Variants in ATG7 observed in about 807,000 individuals in gnomAD.
The protein encoded by ATG7 is autophagy related 7, also known as ubiquitin-like modifier-activating enzyme ATG7.
ATG7 carries 70 observed loss-of-function variants against 82.4 expected under a neutral mutation model. The observed-to-expected ratio is 0.85, with a 90% confidence interval of 0.70 to 1.04. ATG7 has a LOEUF of 1.04. Ranked by LOEUF, ATG7 falls within the 50% of genes least tolerant of loss-of-function variation. The probability of loss-of-function intolerance (pLI) is 0.00; values close to 1 mark genes in which losing one functional copy is unlikely to be tolerated. For missense variants in ATG7, 792 were observed against 864.3 expected (o/e 0.92, Z 1.05); for synonymous variants, 287 against 313.0 (o/e 0.92, Z 0.88).
intron 18 of ATG7, among the ~76,000 whole-genome samples, chr3:11,367,219 A>G (rs1278999864): frequency 6.6e-6 from 1 of 152,150 alleles, no homozygotes; most frequent in Non-Finnish European, 1.5e-5. Context: ...CGTTTCCACA[A>G]AAACACTGGG....
At chr3:11,558,298 CTG>C (rs2072623509), downstream of ATG7, 1 of 582,122 alleles carries the variant, frequency 1.7e-6, no homozygotes. Flanking sequence ...TCTTTGGTAA[CTG>C]AGGCAGGAAG....
chr3:11,292,483 C>G (rs1945147987), intron 3 of ATG7, among the ~76,000 whole-genome samples: 1 of 152,174 alleles, frequency 6.6e-6, no homozygotes, highest in African/African-American at 2.4e-5. Context: ...TGGTCTCGAG[C>G]TCTTGACCTC....
chr3:11,304,705 T>G (rs972252756), intron 5 of ATG7: 6 of 152,270 alleles, frequency 3.9e-5, no homozygotes, highest in Non-Finnish European at 8.8e-5. Context: ...AGTGTCTAGC[T>G]GTAATGTCCC....
At chr3:11,417,305 A>G (rs2081452286) in intron 19 of ATG7, among the ~76,000 whole-genome samples, 1 of 152,138 alleles carries the variant, frequency 6.6e-6, no homozygotes, top group Non-Finnish European at 1.5e-5. Context: ...AGATTCGTCT[A>G]TTTCTTCTTG....
chr3:11,353,910 T>C (rs1389888515), intron 14 of ATG7, among the ~76,000 whole-genome samples: 1 of 152,190 alleles, frequency 6.6e-6, no homozygotes, highest in Non-Finnish European at 1.5e-5. Context: ...TACAAAGAAG[T>C]GTACCAGGAG....
chr3:11,295,230 C>G (rs920404892), intron 3 of ATG7, among the ~76,000 whole-genome samples: 1 of 152,150 alleles, frequency 6.6e-6, no homozygotes, highest in African/African-American at 2.4e-5. Flanking sequence ...ATTTTAGGGA[C>G]AGTGATGTGT....
At chr3:11,314,081 T>C (rs1949057781) in intron 8 of ATG7, among the ~76,000 whole-genome samples, 1 of 152,070 alleles carries the variant, frequency 6.6e-6, no homozygotes, top group African/African-American at 2.4e-5. Context: ...TGGGAAAGAG[T>C]CTTTGAAACA....
At chr3:11,573,349 AAGAAAGAAAGAAAGAAAGAAAGAAAG>A in the ATG7 span, among the ~76,000 whole-genome samples, 3 of 100,682 alleles carry the variant, frequency 3.0e-5, no homozygotes. Context: ...GAAAGAAAGA[AAGAAAGAAAGAAAGAAAGAAAGAAAG>A]AAAGAAAGAA....
At chr3:11,478,755 T>C (rs1004858551) in intron 20 of ATG7, among the ~76,000 whole-genome samples, 3 of 152,152 alleles carry the variant, frequency 2.0e-5, no homozygotes, top group African/African-American at 7.2e-5. Flanking sequence ...GTCTTCCTTA[T>C]GGAGAAGTTA....
intron 19 of ATG7, among the ~76,000 whole-genome samples, chr3:11,394,595 C>T (rs1030994030): frequency 6.6e-6 from 1 of 152,130 alleles, no homozygotes; most frequent in African/African-American, 2.4e-5. Flanking sequence ...TGCTTTCAAG[C>T]CTGAGAACCC....
rs548177706 is a variant in ATG7 at position 11,333,902 on chromosome 3, C to T, written c.889+809C>T. 1.8e-4 allele frequency among the ~76,000 whole-genome samples: 28 copies of T among 151,956 alleles called. No individual in the cohort carries two copies. In the South Asian group the frequency reaches 3.5e-3, roughly 19 times the overall value. On this transcript the variant is annotated intron_variant, in intron 11 of 20. Transcript: ENST00000693202. Reference sequence around the variant, plus strand: ...AGCTGGGACCACAGGCGCCCACTACCACGCCCGGATAATTTTTTGTATTTT... The same window carrying T: ...AGCTGGGACCACAGGCGCCCACTACTACGCCCGGATAATTTTTTGTATTTT...
At chr3:11,367,440 G>GA (rs1289629670) in intron 18 of ATG7, among the ~76,000 whole-genome samples, 3 of 152,162 alleles carry the variant, frequency 2.0e-5, no homozygotes, top group Non-Finnish European at 4.4e-5. Context: ...AGATGTAGTA[G>GA]AAAAGTGATA....
At chr3:11,411,077 T>C (rs1378631064) in intron 19 of ATG7, among the ~76,000 whole-genome samples, 1 of 152,198 alleles carries the variant, frequency 6.6e-6, no homozygotes. Flanking sequence ...GAAGTCTTTT[T>C]TTATCGTCAC....
intron 18 of ATG7, among the ~76,000 whole-genome samples, chr3:11,373,887 T>A (rs1225251679): frequency 6.6e-6 from 1 of 152,226 alleles, no homozygotes; most frequent in African/African-American, 2.4e-5. Flanking sequence ...GTTTTTCTTG[T>A]GGTTTGTGTG....
At chr3:11,483,600 C>A (rs541961086) in intron 20 of ATG7, among the ~76,000 whole-genome samples, 1 of 152,298 alleles carries the variant, frequency 6.6e-6, no homozygotes, top group East Asian at 1.9e-4. Context: ...ACACAGAAAG[C>A]CCCCATTTTG....
intron 20 of ATG7, chr3:11,510,164 T>C (rs1472072031): frequency 2.2e-6 from 1 of 455,380 alleles, no homozygotes; most frequent in East Asian, 7.0e-5. Flanking sequence ...CCTGAAATCA[T>C]ATATCTTTAC....
intron 18 of ATG7, among the ~76,000 whole-genome samples, chr3:11,375,216 C>T (rs2077324364): frequency 6.6e-6 from 1 of 151,896 alleles, no homozygotes; most frequent in African/African-American, 2.4e-5. Flanking sequence ...TCAAAACAAA[C>T]AAATGAACAA....
intron 20 of ATG7, among the ~76,000 whole-genome samples, chr3:11,533,071 C>CA (rs1445969781): frequency 2.0e-5 from 3 of 152,194 alleles, no homozygotes; most frequent in African/African-American, 7.2e-5. Flanking sequence ...AGAGACAGAG[C>CA]AGCCCGGAGG....
At chr3:11,401,870 C>T (rs754649405) in intron 19 of ATG7, among the ~76,000 whole-genome samples, 16 of 152,192 alleles carry the variant, frequency 1.1e-4, no homozygotes, top group Non-Finnish European at 2.2e-4. Flanking sequence ...GTTTAACCTA[C>T]GGTGATCCTT....
Sources: allele counts gnomAD v4.1 joint callset (sites outside exome capture counted in the v4.1 genomes callset), GRCh38; gene constraint gnomAD v4.1.1; transcripts MANE v1.5; gene names NCBI Gene and HGNC (gene_info 2026-07-23, HGNC 2026-07-21).